The following ARHGAP12 variants were observed in gnomAD, a reference collection of about 807,000 sequenced individuals.
ARHGAP12 encodes Rho GTPase activating protein 12, also known as rho GTPase-activating protein 12.
A neutral mutation model predicts 108.6 loss-of-function variants in ARHGAP12; 64 were observed. That is an observed-to-expected ratio of 0.59 (90% CI 0.48 to 0.73). ARHGAP12 has a LOEUF of 0.73. Among genes scored for constraint, ARHGAP12 ranks in the 30% least tolerant of loss-of-function variants. The pLI, the probability that ARHGAP12 is intolerant of heterozygous loss-of-function variation, is 0.00. For synonymous variants in ARHGAP12, 312 were observed against 337.2 expected (o/e 0.93, Z 0.82); for missense variants, 940 against 1,005.9 (o/e 0.93, Z 0.89).
intron 14 of ARHGAP12, among the ~76,000 whole-genome samples, chr10:31,813,822 T>C (rs1433924202): frequency 2.6e-5 from 4 of 152,214 alleles, no homozygotes; most frequent in African/African-American, 4.8e-5. Context: ...TCTGTTTACA[T>C]GCACAGACAC....
chr10:31,924,576 ATTG>A (rs988305713), intron 1 of ARHGAP12, among the ~76,000 whole-genome samples: 7 of 152,160 alleles, frequency 4.6e-5, no homozygotes, highest in Non-Finnish European at 8.8e-5. Context: ...ATTCTTTTTT[ATTG>A]TTGAATGTTA....
intron 2 of ARHGAP12, among the ~76,000 whole-genome samples, chr10:31,910,154 C>A (rs1839287142): frequency 6.6e-6 from 1 of 152,178 alleles, no homozygotes; most frequent in Non-Finnish European, 1.5e-5. Flanking sequence ...ATAAAAATAA[C>A]TGTCTGCTGT....
At chr10:31,928,529 T>C (rs1485390277) in intron 1 of ARHGAP12, among the ~76,000 whole-genome samples, 154 bp downstream of exon 1, 6 of 143,418 alleles carry the variant, frequency 4.2e-5, no homozygotes, top group African/African-American at 1.6e-4. Flanking sequence ...TGCGCGCACC[T>C]CCGCGGCGCC....
At chr10:31,892,239 G>A (rs1838474740) in intron 3 of ARHGAP12, among the ~76,000 whole-genome samples, 2 of 152,194 alleles carry the variant, frequency 1.3e-5, no homozygotes, top group African/African-American at 2.4e-5. Context: ...CATAATGACA[G>A]GATCAAATTC....
At chr10:31,881,657 T>C (rs980792438) in intron 3 of ARHGAP12, among the ~76,000 whole-genome samples, 3 of 152,198 alleles carry the variant, frequency 2.0e-5, no homozygotes. Flanking sequence ...ATGAGGAAGT[T>C]GTTAACTAAG....
chr10:31,883,425 T>C (rs976865354), intron 3 of ARHGAP12, among the ~76,000 whole-genome samples: 12 of 152,216 alleles, frequency 7.9e-5, no homozygotes, highest in Admixed American at 5.9e-4. Context: ...TCTTAAAGTA[T>C]TGAAAACAGT....
Position 31,822,486 on chromosome 10 carries a change from C to A in ARHGAP12, c.1531-1998G>T, listed in dbSNP as rs867153626. Among the ~76,000 whole-genome samples, 25 of 152,310 alleles carry A rather than the reference C, an allele frequency of 1.6e-4. No homozygotes were observed. In the Middle Eastern group the frequency reaches 0.014, roughly 83 times the overall value. The stretch of plus-strand genomic sequence containing the variant: ...AGATACAATTCTATATGCAGACATA[C>A]AACATAAGCAAAGCTCAACTTCCAA... On this transcript the variant is annotated intron_variant, in intron 11 of 19. Transcript: ENST00000344936.
At chr10:31,898,679 A>G (rs1337007886) in intron 3 of ARHGAP12, among the ~76,000 whole-genome samples, 1 of 152,160 alleles carries the variant, frequency 6.6e-6, no homozygotes, top group African/African-American at 2.4e-5. Flanking sequence ...TAGATACACA[A>G]ATACTTAGCA....
intron 3 of ARHGAP12, among the ~76,000 whole-genome samples, chr10:31,864,845 C>T (rs1837262652): frequency 6.6e-6 from 1 of 151,570 alleles, no homozygotes; most frequent in Admixed American, 6.6e-5. Context: ...TCCAGAACCT[C>T]GTAACATGGT....
At chr10:31,838,899 G>A (rs890120486) in intron 9 of ARHGAP12, among the ~76,000 whole-genome samples, 3 of 151,868 alleles carry the variant, frequency 2.0e-5, no homozygotes, top group Non-Finnish European at 4.4e-5. Context: ...CTACTAGGGA[G>A]GCTGAGACGG....
At chr10:31,861,370 C>T in intron 4 of ARHGAP12, 25 bp downstream of exon 4, 1 of 1,567,678 alleles carries the variant, frequency 6.4e-7, no homozygotes, top group Non-Finnish European at 8.6e-7. Flanking sequence ...TGGTAACTTG[C>T]AGTTGATTCC....
chr10:31,857,665 T>TGC (rs1836938104), intron 4 of ARHGAP12, among the ~76,000 whole-genome samples: 1 of 152,088 alleles, frequency 6.6e-6, no homozygotes, highest in African/African-American at 2.4e-5. Context: ...TCTTTAAAGC[T>TGC]GCCAACAAAA....
intron 3 of ARHGAP12, among the ~76,000 whole-genome samples, chr10:31,884,736 A>C (rs941090672): frequency 2.0e-5 from 3 of 152,230 alleles, no homozygotes; most frequent in African/African-American, 7.2e-5. Context: ...TTCATTACAC[A>C]ACATTAAGAA....
intron 3 of ARHGAP12, among the ~76,000 whole-genome samples, chr10:31,876,006 T>C (rs912795002): frequency 6.6e-6 from 1 of 152,208 alleles, no homozygotes; most frequent in Non-Finnish European, 1.5e-5. Context: ...TAATATTCCA[T>C]TGTGTGTGTC....
chr10:31,920,689 A>G (rs1839768872), intron 1 of ARHGAP12, among the ~76,000 whole-genome samples: 1 of 152,120 alleles, frequency 6.6e-6, no homozygotes, highest in Non-Finnish European at 1.5e-5. Flanking sequence ...TTTTTGTTTT[A>G]AAAAAGACAA....
intron 3 of ARHGAP12, among the ~76,000 whole-genome samples, chr10:31,900,226 A>G (rs1421384116): frequency 6.6e-6 from 1 of 152,254 alleles, no homozygotes; most frequent in Non-Finnish European, 1.5e-5. Flanking sequence ...ATGCTCGTGA[A>G]TATGTGGTAC....
rs764859481 is a variant in ARHGAP12, at chr10:31,839,656, G to A, written c.1352C>T (p.Ser451Leu). 5 of 1,607,900 alleles carry A rather than the reference G, an allele frequency of 3.1e-6. No homozygotes were observed. Among genetic ancestry groups the A allele is most frequent in the Admixed American group, 1.7e-5 (1 of 59,926 alleles). ...ACTAACTGTATCTTGGTGCTTTGGTGAGGAGGGAGAAGACTCATTTTCAGG... is the reference window on the plus strand; with the variant it reads ...ACTAACTGTATCTTGGTGCTTTGGTAAGGAGGGAGAAGACTCATTTTCAGG... ...CFPENESSPS[S>L]PKHQDTASSP... is the part of the protein sequence containing the mutation. The change falls in exon 8 of 20, where the codon TCA becomes TTA. Residue 451 changes from serine to leucine, a missense_variant. By Grantham distance (145) the Ser-to-Leu change is moderately radical. Coordinates refer to ENST00000344936, the MANE Select transcript of ARHGAP12 (RefSeq NM_018287.7).
At chr10:31,869,087 G>C (rs1159617967) in intron 3 of ARHGAP12, among the ~76,000 whole-genome samples, 1 of 152,152 alleles carries the variant, frequency 6.6e-6, no homozygotes, top group Non-Finnish European at 1.5e-5. Flanking sequence ...ACCATTTGCT[G>C]TTACTCTGCA....
At position 31,826,329 on chromosome 10, in the gene ARHGAP12, T is replaced by C. The variant is rs2132185324; in HGVS notation, c.1505A>G (p.Lys502Arg). The change falls in exon 11 of 20, where the codon AAA becomes AGA. Residue 502 changes from lysine (K) to arginine (R), a missense_variant. Coordinates refer to ENST00000344936, the MANE Select transcript of ARHGAP12 (RefSeq NM_018287.7). ...VLQGSSLLFT[K>R]TQGSSTSWFG... ...CCAACTTGTGCTACTTCCTTGAGTT[T>C]TGGTAAAAAGTAAAGATGAACCCTG... 1.2e-6 allele frequency: 2 copies of C among 1,612,444 alleles called. No homozygotes were observed. The highest frequency in any genetic ancestry group is 1.7e-4 in the Middle Eastern group (1 of 6,046).
Sources: allele counts gnomAD v4.1 joint callset (sites outside exome capture counted in the v4.1 genomes callset), GRCh38; gene constraint gnomAD v4.1.1; transcripts MANE v1.5; gene names NCBI Gene and HGNC (gene_info 2026-07-23, HGNC 2026-07-21).